ATAD2B: variants seen among roughly 807,000 people sequenced by gnomAD.
ATAD2B encodes the protein ATPase family AAA domain containing 2B.
Under a neutral mutation model 167.6 loss-of-function variants are expected in ATAD2B, and 40 were observed. The observed-to-expected ratio is 0.24, with a 90% CI of 0.19 to 0.31. ATAD2B has a LOEUF of 0.31. ATAD2B is among the 10% of genes least tolerant of loss of function. ATAD2B has a pLI of 1.00. For synonymous variants in ATAD2B, 579 were observed against 596.5 expected, an observed-to-expected ratio of 0.97 and a Z score of 0.43; for missense variants, 1,242 against 1,757.2, an observed-to-expected ratio of 0.71 and a Z score of 5.24.
At chr2:23,800,632 T>C (rs1683331194) in intron 18 of ATAD2B, among the ~76,000 whole-genome samples, 3 of 152,176 alleles carry the variant, frequency 2.0e-5, no homozygotes, top group African/African-American at 4.8e-5. Flanking sequence ...TGAACTCAAA[T>C]TGAACATGAT....
intron 18 of ATAD2B, among the ~76,000 whole-genome samples, chr2:23,807,109 CCTATATAGTGGTTCA>C (rs1174426063): frequency 1.3e-5 from 2 of 152,110 alleles, no homozygotes; most frequent in Non-Finnish European, 2.9e-5. Context: ...CTTTCTTGTT[CCTATATAGTGGTTCA>C]CTCCCAATGC....
At chr2:23,753,867 C>T (rs1675643829) in intron 27 of ATAD2B, among the ~76,000 whole-genome samples, 1 of 151,996 alleles carries the variant, frequency 6.6e-6, no homozygotes, top group South Asian at 2.1e-4. Context: ...TCAATTGGCA[C>T]GTCAGTTATA....
At chr2:23,853,861 C>T (rs1398544931) in intron 13 of ATAD2B, among the ~76,000 whole-genome samples, 5 of 152,186 alleles carry the variant, frequency 3.3e-5, no homozygotes, top group Admixed American at 2.0e-4. Flanking sequence ...AATAGACACA[C>T]ATTTATATGG....
In ATAD2B at chr2:23,885,808, C is replaced by T; in HGVS notation, c.594G>A (p.Gln198=). The T allele has an allele frequency of 6.3e-7, 1 of 1,589,180 alleles. No individual in the cohort carries two copies. Among genetic ancestry groups the T allele is most frequent in the Non-Finnish European group, 8.6e-7 (1 of 1,165,692 alleles). The change falls in exon 5 of 28, where the codon CAG becomes CAA. Residue 198 remains glutamine, a synonymous_variant. Coordinates refer to ENST00000238789, the MANE Select transcript of ATAD2B (RefSeq NM_017552.4). ...GTCGGATGTTAATGTTGTCCATTTC[C>T]TGTAGTACAGCTTCAGCAGTGCTAC... ...LVNSTAEAVL[Q]EMDNINIRRN...
At chr2:23,748,237 T>C (rs993701506), downstream of ATAD2B, among the ~76,000 whole-genome samples, 6 of 152,152 alleles carry the variant, frequency 3.9e-5, no homozygotes, top group African/African-American at 1.4e-4. Context: ...TTCTACTCAC[T>C]TGAAGTAAGC....
chr2:23,888,667 C>T (rs531969159), intron 2 of ATAD2B, among the ~76,000 whole-genome samples: 3 of 152,174 alleles, frequency 2.0e-5, no homozygotes, highest in Non-Finnish European at 4.4e-5. Flanking sequence ...AAAAAAAAGG[C>T]TTAAGCTTAA....
intron 23 of ATAD2B, among the ~76,000 whole-genome samples, chr2:23,765,103 A>G (rs1354824567): frequency 6.6e-6 from 1 of 152,264 alleles, no homozygotes; most frequent in East Asian, 1.9e-4. Flanking sequence ...TGTTTCTAAT[A>G]ACAAAATTGC....
downstream of ATAD2B, among the ~76,000 whole-genome samples, chr2:23,745,495 A>G (rs563455686): frequency 2.0e-5 from 3 of 152,118 alleles, no homozygotes; most frequent in Admixed American, 1.3e-4. Context: ...GAATACAAGC[A>G]AAGGAATTTA....
chr2:23,720,333 G>T, the ATAD2B span, among the ~76,000 whole-genome samples: 1 of 152,118 alleles, frequency 6.6e-6, no homozygotes, highest in East Asian at 1.9e-4. Flanking sequence ...CAGCACTTTG[G>T]GAGGCTGAGG....
chr2:23,693,578 C>T, the ATAD2B span: 2 of 1,519,938 alleles, frequency 1.3e-6, no homozygotes, highest in Non-Finnish European at 1.8e-6. Flanking sequence ...TGGGGTCCCC[C>T]TGCGGCAATG....
intron 15 of ATAD2B, among the ~76,000 whole-genome samples, chr2:23,824,318 G>C (rs1322123183): frequency 2.0e-5 from 3 of 152,086 alleles, no homozygotes; most frequent in African/African-American, 7.2e-5. Flanking sequence ...TTTCATTTCA[G>C]TCCTTCATCA....
At position 23,823,271 on chromosome 2, in the gene ATAD2B, A is replaced by C. The variant is rs770329438; in HGVS notation, c.2118T>G (p.Ser706Arg). The C allele has an allele frequency of 1.2e-5, 19 of 1,605,598 alleles. No individual in the cohort carries two copies. Among genetic ancestry groups the C allele is most frequent in the Non-Finnish European group, 1.0e-5 (12 of 1,175,538 alleles). Residue 706 changes from serine to arginine, a missense_variant, in exon 16 of 28, where the codon AGT (serine) becomes AGG (arginine). Coordinates refer to ENST00000238789, the MANE Select transcript of ATAD2B (RefSeq NM_017552.4). ...KVFPHAEISQ[S>R]DKKEDIETLI... ...AGTTTAGAGTACCTTCTTTTTTGTC[A>C]CTCTGGCTAATTTCAGCATGAGGAA...
At chr2:23,763,661 C>T (rs1248984106) in intron 23 of ATAD2B, among the ~76,000 whole-genome samples, 1 of 152,164 alleles carries the variant, frequency 6.6e-6, no homozygotes, top group Non-Finnish European at 1.5e-5. Context: ...ATGAACATGG[C>T]TCACTGCAGC....
the ATAD2B span, among the ~76,000 whole-genome samples, chr2:23,737,549 G>A: frequency 7.3e-4 from 111 of 152,172 alleles, no homozygotes; most frequent in African/African-American, 2.0e-3. Flanking sequence ...CCATCTGTAC[G>A]TCACCACCTT....
At chr2:23,695,605 G>C in the ATAD2B span, 2 of 1,520,370 alleles carry the variant, frequency 1.3e-6, no homozygotes, top group African/African-American at 2.8e-5. The surrounding 1 kb of genome is among the most constrained non-coding windows in gnomAD (Gnocchi z 7.6). Flanking sequence ...AGAAGATTCT[G>C]TCTCCTGTAC....
At chr2:23,818,112 CACACACACAT>C (rs1686773181) in intron 17 of ATAD2B, among the ~76,000 whole-genome samples, 1 of 115,806 alleles carries the variant, frequency 8.6e-6, no homozygotes, top group Admixed American at 8.9e-5. Context: ...CACACACACA[CACACACACAT>C]TACACACACA....
At chr2:23,740,286 G>A in the ATAD2B span, among the ~76,000 whole-genome samples, 4 of 152,226 alleles carry the variant, frequency 2.6e-5, no homozygotes, top group South Asian at 2.1e-4. Context: ...GATGAACATC[G>A]ATGTAAAAAT....
At chr2:23,834,256 G>A (rs1365758720) in intron 13 of ATAD2B, among the ~76,000 whole-genome samples, 178 bp from the exon 14 acceptor site, 1 of 143,980 alleles carries the variant, frequency 6.9e-6, no homozygotes, top group East Asian at 2.1e-4. Flanking sequence ...CCGCCTCCCG[G>A]GTTCAAGCAA....
the ATAD2B span, chr2:23,703,054 G>A: frequency 3.4e-6 from 2 of 581,896 alleles, no homozygotes; most frequent in African/African-American, 2.0e-5. Context: ...GCCCCCCACT[G>A]CTGGTGTGAT....
Sources: gnomAD v4.1 joint callset for allele counts (sites outside exome capture counted in the v4.1 genomes callset) on GRCh38, gnomAD v4.1.1 for gene constraint, Gnocchi (gnomAD v3.1) non-coding constraint, MANE v1.5 for transcripts, NCBI Gene and HGNC (gene_info 2026-07-23, HGNC 2026-07-21) for gene names.